The following KIFC3 variants were observed in gnomAD, a reference collection of about 807,000 sequenced individuals.
The protein encoded by KIFC3 is kinesin-like protein KIFC3.
In KIFC3, 60 loss-of-function variants were observed where a neutral mutation model predicts 101.8. The ratio of observed to expected loss-of-function variants is 0.59; its 90% CI spans 0.48 to 0.73. The LOEUF is 0.73. Ranked by LOEUF, KIFC3 falls within the 30% of genes least tolerant of loss-of-function variation. The pLI is 0.00. For missense variants in KIFC3, 966 were observed against 1,137.1 expected (o/e 0.85, Z 2.16); for synonymous variants, 476 against 482.7 (o/e 0.99, Z 0.18).
At chr16:57,847,541 T>C (rs1234461060) in intron 1 of KIFC3, among the ~76,000 whole-genome samples, 1 of 151,860 alleles carries the variant, frequency 6.6e-6, no homozygotes, top group Non-Finnish European at 1.5e-5. Context: ...GTTCCATGGA[T>C]AGAAAAAGAT....
chr16:57,804,905 AT>A (rs147019735), upstream of KIFC3, among the ~76,000 whole-genome samples: 17,901 of 133,542 alleles, frequency 0.13, 1,048 homozygotes, highest in Middle Eastern at 0.22. Context: ...GCCTGACTCA[AT>A]TTTTTTTTTT....
intron 1 of KIFC3, among the ~76,000 whole-genome samples, chr16:57,819,752 G>A (rs2055311996): frequency 6.6e-6 from 1 of 151,962 alleles, no homozygotes; most frequent in Admixed American, 6.6e-5. Flanking sequence ...GTAGAGACAG[G>A]GCTTCACCAT....
chr16:57,769,471 G>C lies in KIFC3; in HGVS notation c.1218+124C>G. 1 of 1,221,950 alleles carries C rather than the reference G, an allele frequency of 8.2e-7. No individual in the cohort carries two copies. Among genetic ancestry groups the C allele is most frequent in the Non-Finnish European group, 1.1e-6 (1 of 886,352 alleles). 75.7% of individuals were successfully genotyped at this position (1,221,950 alleles called of 1,614,324 possible). A position where few individuals can be genotyped will look rare whatever the true frequency, so the allele number is the denominator to read the frequency against. ...AGGGCAGCAGTAAGTGTCATGGGGGGTGGGGCAGGGGCTGCTGTCTGAGCG... is the reference window on the plus strand; with the variant it reads ...AGGGCAGCAGTAAGTGTCATGGGGGCTGGGGCAGGGGCTGCTGTCTGAGCG... On this transcript the variant is annotated intron_variant, in intron 9 of 19. Coordinates refer to ENST00000445690, the MANE Select transcript of KIFC3 (RefSeq NM_001130100.2). This position sits in a 1 kb window ranked among gnomAD's most constrained non-coding sequence, Gnocchi z 4.3.
intron 3 of KIFC3, among the ~76,000 whole-genome samples, chr16:57,787,172 C>T (rs2053423430): frequency 6.6e-6 from 1 of 152,252 alleles, no homozygotes; most frequent in Admixed American, 6.5e-5. Context: ...CAGCCCTTTG[C>T]AGGCTGCTGC....
intron 12 of KIFC3, 127 bp from the exon 13 acceptor site, chr16:57,762,397 C>T (rs1416023533): frequency 4.1e-6 from 4 of 984,726 alleles, no homozygotes; most frequent in Admixed American, 5.9e-5. Context: ...TCTTACCTAC[C>T]TGCCACTGTC....
rs782173079 is a variant in KIFC3, at chr16:57,813,612, G to T, written c.109-15330C>A. 6.6e-5 allele frequency: 59 copies of T among 899,074 alleles called. No homozygotes were observed. In the Middle Eastern group the frequency reaches 1.7e-3, roughly 26 times the overall value. The allele number at this position is 899,074 out of a possible 1,614,324, so 55.7% of individuals were successfully genotyped here. ...CCCAGCCCTGGGGTCAAACCTGCAT[G>T]CCTGCCGAGTGCCTGCATGACAATA... On this transcript the variant is annotated intron_variant, in intron 1 of 2. Transcript: ENST00000563028.
upstream of KIFC3, chr16:57,802,869 T>C: frequency 8.4e-7 from 1 of 1,196,106 alleles, no homozygotes; most frequent in Non-Finnish European, 1.2e-6. The surrounding 1 kb of genome is among the most constrained non-coding windows in gnomAD (Gnocchi z 5.0). Flanking sequence ...GTGCAAAACT[T>C]CCACGCGAGT....
chr16:57,767,941 G>C (rs934697118), intron 9 of KIFC3, among the ~76,000 whole-genome samples: 1 of 152,162 alleles, frequency 6.6e-6, no homozygotes, highest in Non-Finnish European at 1.5e-5. Flanking sequence ...CTCCCAAAGT[G>C]TTGGGATTAC....
At chr16:57,793,605 C>CA (rs58651568) in intron 3 of KIFC3, among the ~76,000 whole-genome samples, 34,727 of 135,780 alleles carry the variant, frequency 0.26, 5,811 homozygotes, top group African/African-American at 0.5. Context: ...AAAAAAAAAA[C>CA]AAAAAAAGAG....
intron 1 of KIFC3, among the ~76,000 whole-genome samples, chr16:57,844,593 G>A (rs1176044103): frequency 5.9e-5 from 9 of 152,242 alleles, no homozygotes; most frequent in Admixed American, 5.9e-4. Flanking sequence ...TGCTGGAGCT[G>A]CGCCAGTGCC....
At chr16:57,798,383 C>T (rs1342060228) in intron 1 of KIFC3, 101 bp from the exon 2 acceptor site, 10 of 1,078,950 alleles carry the variant, frequency 9.3e-6, no homozygotes, top group East Asian at 2.6e-5. Context: ...CCCCACCGGT[C>T]GCTGGTTACC....
intron 3 of KIFC3, among the ~76,000 whole-genome samples, chr16:57,792,136 T>C (rs1403758354): frequency 6.6e-6 from 1 of 152,218 alleles, no homozygotes; most frequent in Non-Finnish European, 1.5e-5. Flanking sequence ...AAATGTGGCT[T>C]CCAGAAAGGG....
At chr16:57,792,446 G>A (rs1555620753) in intron 3 of KIFC3, among the ~76,000 whole-genome samples, 1 of 152,204 alleles carries the variant, frequency 6.6e-6, no homozygotes, top group East Asian at 1.9e-4. Context: ...AATGGGCAGA[G>A]CTTGTACTGC....
At position 57,769,847 on chromosome 16, in the gene KIFC3, C is replaced by A; in HGVS notation, c.1048G>T (p.Ala350Ser). 6.2e-7 allele frequency: 1 copy of A among 1,613,804 alleles called. No individual in the cohort carries two copies. The highest frequency in any genetic ancestry group is 8.5e-7 in the Non-Finnish European group (1 of 1,180,034). ...NRAIEEAFAR[A>S]QVEMKAVHEN... ...TGCACAGCCTTCATCTCCACCTGGG[C>A]TCTGGCAAAGGCCTCCTCAATGGCC... Residue 350 changes from alanine to serine, a missense_variant, in exon 8 of 20, where the codon GCC becomes TCC. Ala to Ser is a moderately conservative substitution (Grantham distance 99, BLOSUM62 1). Around this residue, in one of 2 missense-constraint regions of KIFC3, gnomAD observed 689 missense variants for 884.6 expected, o/e 0.78. Transcript: ENST00000445690. This position sits in a 1 kb window ranked among gnomAD's most constrained non-coding sequence, Gnocchi z 4.3.
intron 3 of KIFC3, among the ~76,000 whole-genome samples, chr16:57,790,086 T>C (rs200598775): frequency 5.2e-5 from 3 of 57,492 alleles, no homozygotes; most frequent in Admixed American, 1.8e-4. Context: ...TTCTTTTTTT[T>C]TTTTTTTTTT....
In KIFC3 at chr16:57,842,310, C is replaced by T. The variant is rs77776307; in HGVS notation, c.108+20419G>A. Reference sequence around the variant, plus strand: ...CAAGCTCCAGGGGGTCAGAAATGTGCTTGCTGGGCCAGGGTCAGAGCCCCC... The same window carrying T: ...CAAGCTCCAGGGGGTCAGAAATGTGTTTGCTGGGCCAGGGTCAGAGCCCCC... On this transcript the variant is annotated intron_variant, in intron 1 of 2. Transcript: ENST00000563028. Among the ~76,000 whole-genome samples the T allele has an allele frequency of 9.5e-3, 1,445 of 152,310 alleles. 27 individuals are homozygous for T. The highest frequency in any genetic ancestry group is 0.032 in the African/African-American group (1,345 of 41,570).
intron 1 of KIFC3, among the ~76,000 whole-genome samples, chr16:57,829,594 A>G (rs2055532469): frequency 6.6e-6 from 1 of 152,144 alleles, no homozygotes; most frequent in African/African-American, 2.4e-5. Flanking sequence ...GCGGCAAAAC[A>G]AACTCACCAA....
intron 1 of KIFC3, among the ~76,000 whole-genome samples, chr16:57,860,461 T>C (rs1157244114): frequency 2.6e-5 from 4 of 151,538 alleles, no homozygotes; most frequent in Non-Finnish European, 5.9e-5. Context: ...CTCAAAAAAA[T>C]TTAAAATAAG....
intron 1 of KIFC3, among the ~76,000 whole-genome samples, chr16:57,812,765 C>A (rs1170691466): frequency 1.3e-5 from 2 of 152,220 alleles, no homozygotes; most frequent in Non-Finnish European, 2.9e-5. Context: ...GGCCAGGGCG[C>A]TCTCAGTTGC....
Sources: allele counts gnomAD v4.1 joint callset (sites outside exome capture counted in the v4.1 genomes callset), GRCh38; gene constraint gnomAD v4.1.1; regional missense constraint gnomAD v4.1.1; non-coding constraint Gnocchi (gnomAD v3.1); transcripts MANE v1.5; gene names NCBI Gene and HGNC (gene_info 2026-07-23, HGNC 2026-07-21).